GPC1: variants seen among roughly 807,000 people sequenced by gnomAD.
GPC1 encodes the protein glypican 1.
A neutral mutation model predicts 51.5 loss-of-function variants in GPC1; 26 were observed. The observed-to-expected ratio is 0.50, with a 90% CI of 0.37 to 0.70. The LOEUF (loss-of-function observed/expected upper bound fraction) is 0.70. Among genes scored for constraint, GPC1 ranks in the 30% least tolerant of loss-of-function variants. The pLI is 0.00. For missense variants in GPC1, 775 were observed against 800.5 expected (o/e 0.97, Z 0.38); for synonymous variants, 380 against 348.3 (o/e 1.09, Z -1.01).
rs1159110448 is a variant in GPC1 at position 240,462,681 on chromosome 2, G to A, written c.717+99G>A. 3 of 1,140,614 alleles carry A rather than the reference G, an allele frequency of 2.6e-6. No homozygotes were observed. In the African/African-American group the frequency reaches 4.7e-5, roughly 18 times the overall value. 70.7% of individuals were successfully genotyped at this position (1,140,614 alleles called of 1,614,324 possible). A position where few individuals can be genotyped will look rare whatever the true frequency, so the allele number is the denominator to read the frequency against. Reference sequence around the variant, plus strand: ...CCCTACTTTAACCCTGTGCCCCTGGGCCTCTGGGCCAGCCTCTGACCTCAG... The same window carrying A: ...CCCTACTTTAACCCTGTGCCCCTGGACCTCTGGGCCAGCCTCTGACCTCAG... On this transcript the variant is annotated intron_variant, in intron 3 of 8. Coordinates refer to ENST00000264039, the MANE Select transcript of GPC1 (RefSeq NM_002081.3).
intron 1 of GPC1, among the ~76,000 whole-genome samples, chr2:240,444,301 C>T (rs905411092): frequency 3.9e-5 from 6 of 152,222 alleles, no homozygotes; most frequent in African/African-American, 7.2e-5. Context: ...GGAAGTACAA[C>T]GCTGCTAGGC....
intron 1 of GPC1, among the ~76,000 whole-genome samples, chr2:240,453,687 C>A (rs1464987649): frequency 2.0e-5 from 3 of 150,542 alleles, no homozygotes; most frequent in Non-Finnish European, 3.0e-5. Context: ...TGCACCAGTG[C>A]CCCCTCCTCG....
intron 1 of GPC1, among the ~76,000 whole-genome samples, chr2:240,446,262 A>AG (rs2074049949): frequency 6.6e-6 from 1 of 152,102 alleles, no homozygotes; most frequent in South Asian, 2.1e-4. Context: ...CGTGCGAGTG[A>AG]GAGGGACACA....
chr2:240,439,020 C>G (rs1487544106), intron 1 of GPC1, among the ~76,000 whole-genome samples: 1 of 152,220 alleles, frequency 6.6e-6, no homozygotes, highest in Non-Finnish European at 1.5e-5. Context: ...CAGCAGGCCT[C>G]CTGCTTTTGC....
intron 8 of GPC1, among the ~76,000 whole-genome samples, 174 bp downstream of exon 8, chr2:240,465,822 G>A (rs2271772): frequency 0.038 from 5,794 of 152,090 alleles, 300 homozygotes; most frequent in East Asian, 0.19. Flanking sequence ...GCACCTCTGC[G>A]GCGCCCTGGA....
In GPC1 at chr2:240,435,969, G is replaced by A. The variant is rs1463590275; in HGVS notation, c.51G>A (p.Leu17=). ...GGCTGCTATGTGCGGCCGCAGCGCTGGTCGCCTGCGCCCGCGGGGACCCGG... is the reference window on the plus strand; with the variant it reads ...GGCTGCTATGTGCGGCCGCAGCGCTAGTCGCCTGCGCCCGCGGGGACCCGG... ...GWWLLCAAAA[L]VACARGDPAS... The change falls in exon 1 of 9, where the codon CTG becomes CTA. Residue 17 remains leucine (L), a synonymous_variant. Transcript: ENST00000264039. 4.5e-6 allele frequency: 6 copies of A among 1,344,472 alleles called. No homozygotes were observed. Among genetic ancestry groups the A allele is most frequent in the Non-Finnish European group, 5.7e-6 (6 of 1,046,514 alleles). The allele number at this position is 1,344,472 out of a possible 1,614,324, so 83.3% of individuals were successfully genotyped here. A position where few individuals can be genotyped will look rare whatever the true frequency, so the allele number is the denominator to read the frequency against.
At position 240,450,389 on chromosome 2, in the gene GPC1, C is replaced by T. The variant is rs60050368; in HGVS notation, c.167-8641C>T. On this transcript the variant is annotated intron_variant, in intron 1 of 8. Transcript: ENST00000264039. Reference sequence around the variant, plus strand: ...AGGGCAGGCTGCAGGGTTGGGGAGGCGGGGGATGCTAAGGCTGTTCCTCGT... The same window carrying T: ...AGGGCAGGCTGCAGGGTTGGGGAGGTGGGGGATGCTAAGGCTGTTCCTCGT... The T allele has an allele frequency of 4.1e-3, 1,418 of 348,368 alleles. 22 individuals carry two copies. The highest frequency in any genetic ancestry group is 0.028 in the African/African-American group (1,313 of 46,596). The allele number at this position is 348,368 out of a possible 1,614,324, so 21.6% of individuals were successfully genotyped here. A position where few individuals can be genotyped will look rare whatever the true frequency, so the allele number is the denominator to read the frequency against.
intron 1 of GPC1, chr2:240,442,654 A>G (rs1380640400): frequency 6.6e-6 from 1 of 152,228 alleles, no homozygotes; most frequent in Non-Finnish European, 1.5e-5. Context: ...CAGACTCCAC[A>G]CCCAAAGTCA....
chr2:240,450,504 C>A, intron 1 of GPC1: 1 of 440,912 alleles, frequency 2.3e-6, no homozygotes, highest in South Asian at 1.6e-5. Context: ...GGACCTACAG[C>A]TGCTGTGAAG....
At chr2:240,455,846 C>A (rs1352892817) in intron 1 of GPC1, among the ~76,000 whole-genome samples, 1 of 152,190 alleles carries the variant, frequency 6.6e-6, no homozygotes, top group Non-Finnish European at 1.5e-5. Context: ...CTGCGCCGGG[C>A]CGGAGCTCCG....
intron 3 of GPC1, 31 bp from the exon 4 acceptor site, chr2:240,463,316 G>C (rs773537725): frequency 1.2e-6 from 2 of 1,605,524 alleles, no homozygotes; most frequent in Admixed American, 3.4e-5. Context: ...CCAGGGCCTC[G>C]GGGCCTGGCT....
Position 240,465,475 on chromosome 2 carries a change from A to C in GPC1, c.1271A>C (p.Tyr424Ser), listed in dbSNP as rs2074252893. The change falls in exon 8 of 9, where the codon TAC becomes TCC. Residue 424 changes from tyrosine (Y) to serine (S), a missense_variant and splice_region_variant. Physicochemically the swap from Tyr to Ser is moderately radical, Grantham distance 144. Transcript: ENST00000264039. Reference protein sequence around the residue: ...RCWNGMARGRYLPEVMGDGLA... With the variant: ...RCWNGMARGRSLPEVMGDGLA... The stretch of plus-strand genomic sequence containing the variant: ...GGCTCTGCCTGCCTTTCCCCCAGGT[A>C]CCTCCCCGAGGTCATGGGTGACGGC... 25 of 1,612,592 alleles carry C rather than the reference A, an allele frequency of 1.6e-5. No homozygotes were observed. Among genetic ancestry groups the C allele is most frequent in the Non-Finnish European group, 2.1e-5 (25 of 1,179,772 alleles).
chr2:240,435,724 C>A lies in GPC1; in HGVS notation c.-195C>A, dbSNP rs1271344935. Reference sequence around the variant, plus strand: ...GCTGCCCGAGCGAGCGTTCGGACCTCGCACCCCGCGCGCCCCGCGCCGCCG... The same window carrying A: ...GCTGCCCGAGCGAGCGTTCGGACCTAGCACCCCGCGCGCCCCGCGCCGCCG... On this transcript the variant is annotated 5_prime_UTR_variant, in exon 1 of 9. Transcript: ENST00000264039. 7.1e-5 allele frequency: 18 copies of A among 253,002 alleles called. No homozygotes were observed. The highest frequency in any genetic ancestry group is 1.2e-4 in the Non-Finnish European group (17 of 137,510). 15.7% of individuals were successfully genotyped at this position (253,002 alleles called of 1,614,324 possible).
intron 1 of GPC1, chr2:240,457,617 A>G (rs558031275): frequency 6.4e-4 from 246 of 384,526 alleles, no homozygotes; most frequent in Non-Finnish European, 1.1e-3. Flanking sequence ...GTGGGGCTAC[A>G]GATCCCTGCT....
At position 240,463,459 on chromosome 2, in the gene GPC1, A is replaced by G; in HGVS notation, c.830A>G (p.Lys277Arg). The G allele has an allele frequency of 6.2e-7, 1 of 1,613,036 alleles. No individual in the cohort carries two copies. Among genetic ancestry groups the G allele is most frequent in the Non-Finnish European group, 8.5e-7 (1 of 1,179,960 alleles). Reference protein sequence around the residue: ...PCPDYCRNVLKGCLANQADLD... With the variant: ...PCPDYCRNVLRGCLANQADLD... ...CCTGACTATTGCCGAAATGTGCTCAAGGGCTGCCTTGCCAACCAGGCCGAC... is the reference window on the plus strand; with the variant it reads ...CCTGACTATTGCCGAAATGTGCTCAGGGGCTGCCTTGCCAACCAGGCCGAC... The change falls in exon 4 of 9, where the codon AAG becomes AGG. Residue 277 changes from lysine to arginine, a missense_variant. Lys to Arg is a conservative substitution (Grantham distance 26, BLOSUM62 2). Coordinates refer to ENST00000264039, the MANE Select transcript of GPC1 (RefSeq NM_002081.3).
In GPC1 at chr2:240,464,636, G is replaced by A. The variant is rs550678562; in HGVS notation, c.904G>A (p.Asp302Asn). ...CCTAGACTCCATGGTGCTCATCACC[G>A]ACAAGTTCTGGGGTACATCGGGTGT... is the stretch of plus-strand genomic sequence containing the variant. ...NLLDSMVLIT[D>N]KFWGTSGVES... The change falls in exon 5 of 9, where the codon GAC (aspartate) becomes AAC (asparagine). Residue 302 changes from aspartate to asparagine, a missense_variant. Asp to Asn is a conservative substitution (Grantham distance 23). Transcript: ENST00000264039. The A allele has an allele frequency of 6.8e-6, 11 of 1,611,928 alleles. No homozygotes were observed. Among genetic ancestry groups the A allele is most frequent in the South Asian group, 2.2e-5 (2 of 90,984 alleles).
At position 240,462,229 on chromosome 2, in the gene GPC1, C is replaced by A; in HGVS notation, c.364C>A (p.Leu122Met). ...QHLLNDSERT[L>M]QATFPGAFGE... ...CCTGCTGAACGACTCGGAGCGGACG[C>A]TGCAGGCCACCTTCCCCGGCGCCTT... Residue 122 changes from leucine to methionine, a missense_variant, in exon 3 of 9, where the codon CTG becomes ATG. Leu to Met is a conservative substitution (Grantham distance 15). Coordinates refer to ENST00000264039, the MANE Select transcript of GPC1 (RefSeq NM_002081.3). 1.2e-6 allele frequency: 2 copies of A among 1,610,088 alleles called. No individual in the cohort carries two copies. The highest frequency in any genetic ancestry group is 1.7e-6 in the Non-Finnish European group (2 of 1,178,400).
At chr2:240,449,827 CT>C (rs1305700790) in intron 1 of GPC1, 1 of 469,836 alleles carries the variant, frequency 2.1e-6, no homozygotes, top group Admixed American at 2.3e-5. Context: ...TGTCTGGCTT[CT>C]TTCACTCAGC....
At chr2:240,457,285 GACA>G in intron 1 of GPC1, 2 of 404,896 alleles carry the variant, frequency 4.9e-6, no homozygotes, top group South Asian at 3.5e-5. Flanking sequence ...AGGCCCCTCT[GACA>G]ACCTGTCTCC....
Sources: gnomAD v4.1 joint callset for allele counts (sites outside exome capture counted in the v4.1 genomes callset) on GRCh38, gnomAD v4.1.1 for gene constraint, MANE v1.5 for transcripts, NCBI Gene and HGNC (gene_info 2026-07-23, HGNC 2026-07-21) for gene names.